PLOD2: variants seen among roughly 807,000 people sequenced by gnomAD.
The protein encoded by PLOD2 is procollagen-lysine,2-oxoglutarate 5-dioxygenase 2, also known as lysine hydroxylase 2.
A neutral mutation model predicts 101.0 loss-of-function variants in PLOD2; 65 were observed. That is an observed-to-expected ratio of 0.64 (90% CI 0.53 to 0.79). The LOEUF is 0.79. Ranked by LOEUF, PLOD2 falls within the 30% of genes least tolerant of loss-of-function variation. The pLI, the probability that PLOD2 is intolerant of heterozygous loss-of-function variation, is 0.00. For missense variants in PLOD2, 909 were observed against 914.6 expected (o/e 0.99, Z 0.08); for synonymous variants, 314 against 302.9 (o/e 1.04, Z -0.38).
chr3:146,160,888 G>T lies in PLOD2; in HGVS notation c.102C>A (p.Ile34=). 6.4e-7 allele frequency: 1 copy of T among 1,570,646 alleles called. No homozygotes were observed. The highest frequency in any genetic ancestry group is 8.7e-7 in the Non-Finnish European group (1 of 1,155,782). ...GGACCGCGGGGTGCTCACCTGTGGG[G>T]ATGCTCGAGGGCTTCTCCGAGTCCG... The part of the protein sequence containing the change: ...LGADSEKPSS[I]PTDKLLVITV... Residue 34 remains isoleucine, a synonymous_variant, in exon 1 of 20, where the codon ATC becomes ATA. Coordinates refer to ENST00000282903, the MANE Select transcript of PLOD2 (RefSeq NM_182943.3).
At position 146,086,778 on chromosome 3, in the gene PLOD2, A is replaced by T; in HGVS notation, c.1127+9T>A. On this transcript the variant is annotated intron_variant, in intron 10 of 19. Transcript: ENST00000282903. ...TAATTTAATTTAATTTTAATTTATT[A>T]AAACATACATTCCCATGTTTCTGGC... 7.0e-7 allele frequency: 1 copy of T among 1,418,832 alleles called. No individual in the cohort carries two copies. The highest frequency in any genetic ancestry group is 9.5e-7 in the Non-Finnish European group (1 of 1,051,920). The allele number at this position is 1,418,832 out of a possible 1,614,324, so 87.9% of individuals were successfully genotyped here.
intron 1 of PLOD2, among the ~76,000 whole-genome samples, chr3:146,158,492 T>A (rs1188253004): frequency 2.0e-5 from 3 of 152,164 alleles, no homozygotes; most frequent in African/African-American, 7.2e-5. Context: ...TGTATCACAT[T>A]CCCAACTACA....
chr3:146,115,343 T>C (rs752663409), intron 3 of PLOD2, among the ~76,000 whole-genome samples: 15 of 152,300 alleles, frequency 9.8e-5, no homozygotes, highest in South Asian at 4.1e-4. Flanking sequence ...GTGGTCATAC[T>C]GAGTCCCCTG....
In PLOD2 at chr3:146,139,299, A is replaced by G. The variant is rs574947105; in HGVS notation, c.110-15070T>C. Among the ~76,000 whole-genome samples the G allele has an allele frequency of 2.7e-4, 41 of 152,312 alleles. No individual in the cohort carries two copies. The Middle Eastern group carries it at 0.014, about 51-fold the overall frequency. On this transcript the variant is annotated intron_variant, in intron 1 of 19. Transcript: ENST00000282903. ...GAGTCTCCTGCATCAATAAAATTTT[A>G]AGAAAATGTTTAAAGTAGTGAAGGA...
At chr3:146,082,079 A>G (rs952391518) in intron 11 of PLOD2, among the ~76,000 whole-genome samples, 1 of 152,216 alleles carries the variant, frequency 6.6e-6, no homozygotes, top group Non-Finnish European at 1.5e-5. Flanking sequence ...ATTTCTTAAA[A>G]AGAGTAACAA....
intron 2 of PLOD2, chr3:146,123,172 A>C (rs569310417): frequency 4.2e-6 from 1 of 240,136 alleles, no homozygotes; most frequent in East Asian, 1.4e-4. Context: ...CTACCTTTTT[A>C]ATATACTACA....
At chr3:146,139,045 G>C (rs146294200) in intron 1 of PLOD2, among the ~76,000 whole-genome samples, 1 of 152,110 alleles carries the variant, frequency 6.6e-6, no homozygotes, top group Non-Finnish European at 1.5e-5. Context: ...CACAGGAGAG[G>C]CCAAGGACAA....
At chr3:146,155,714 C>CAAAAAAAAAAA (rs766107067) in intron 1 of PLOD2, among the ~76,000 whole-genome samples, 8 of 53,954 alleles carry the variant, frequency 1.5e-4, no homozygotes, top group Admixed American at 4.0e-4. Flanking sequence ...GACTCTGTCT[C>CAAAAAAAAAAA]AAAAAAAAAA....
intron 4 of PLOD2, among the ~76,000 whole-genome samples, chr3:146,109,018 G>A (rs1267452711): frequency 3.3e-5 from 5 of 152,120 alleles, no homozygotes; most frequent in Non-Finnish European, 5.9e-5. Context: ...TCCATGAGCC[G>A]CATGCTCAAG....
intron 3 of PLOD2, among the ~76,000 whole-genome samples, chr3:146,119,964 G>A (rs2029969830): frequency 6.6e-6 from 1 of 152,136 alleles, no homozygotes; most frequent in Admixed American, 6.5e-5. Flanking sequence ...ACCCAGTAAT[G>A]GGATGGCTGG....
In PLOD2 at chr3:146,084,230, C is replaced by T. The variant is rs190646673; in HGVS notation, c.1232+939G>A. ...TTCATATGCTTTGGAAAATTACCTA[C>T]GATGTATATAGATAGTTAACTTAGA... On this transcript the variant is annotated intron_variant, in intron 11 of 19. Coordinates refer to ENST00000282903, the MANE Select transcript of PLOD2 (RefSeq NM_182943.3). Among the ~76,000 whole-genome samples the T allele has an allele frequency of 9.1e-4, 139 of 152,106 alleles. 1 individual carries two copies. The highest frequency in any genetic ancestry group is 3.3e-3 in the African/African-American group (138 of 41,526).
chr3:146,127,948 G>C (rs1363684706), intron 1 of PLOD2, among the ~76,000 whole-genome samples: 1 of 152,136 alleles, frequency 6.6e-6, no homozygotes, highest in East Asian at 1.9e-4. Flanking sequence ...ATGGAAAATA[G>C]TATGGAAAGT....
At chr3:146,160,394 C>T (rs1274539156) in intron 1 of PLOD2, among the ~76,000 whole-genome samples, 1 of 152,108 alleles carries the variant, frequency 6.6e-6, no homozygotes, top group Non-Finnish European at 1.5e-5. Flanking sequence ...GGTTTTCGAG[C>T]GAGCGTTGTT....
Position 146,117,185 on chromosome 3 carries a change from T to C in PLOD2, c.338+3927A>G, listed in dbSNP as rs542123634. Among the ~76,000 whole-genome samples the C allele has an allele frequency of 1.2e-3, 190 of 152,286 alleles. 1 individual carries two copies. The highest frequency in any genetic ancestry group is 6.8e-3 in the Middle Eastern group (2 of 294). On this transcript the variant is annotated intron_variant, in intron 3 of 19. Transcript: ENST00000282903. ...AGGCTCATCTAAACCACTAAGTATA[T>C]ACATCTGTGTATATTTTCATATGAT...
chr3:146,092,829 G>GC (rs1473970583), intron 7 of PLOD2, among the ~76,000 whole-genome samples: 1 of 152,082 alleles, frequency 6.6e-6, no homozygotes, highest in Non-Finnish European at 1.5e-5. Flanking sequence ...TGAGTAAACA[G>GC]CAAGTGAAAT....
chr3:146,112,628 G>T (rs935703846), intron 3 of PLOD2, among the ~76,000 whole-genome samples: 2 of 151,930 alleles, frequency 1.3e-5, no homozygotes, highest in Admixed American at 1.3e-4. Flanking sequence ...CAAGGCGGGC[G>T]GATCATGAGG....
chr3:146,083,241 A>G (rs1407538987), intron 11 of PLOD2, among the ~76,000 whole-genome samples: 1 of 152,202 alleles, frequency 6.6e-6, no homozygotes, highest in African/African-American at 2.4e-5. Context: ...GGAATGATTC[A>G]TATTATTATA....
chr3:146,128,710 G>A (rs766580749), intron 1 of PLOD2, among the ~76,000 whole-genome samples: 17 of 151,838 alleles, frequency 1.1e-4, no homozygotes, highest in Non-Finnish European at 2.4e-4. Flanking sequence ...CATTGTTGGA[G>A]TCATTTTTTT....
At position 146,072,561 on chromosome 3, in the gene PLOD2, A is replaced by C. The variant is rs1002092343; in HGVS notation, c.1848T>G (p.His616Gln). 4 of 1,577,856 alleles carry C rather than the reference A, an allele frequency of 2.5e-6. No individual in the cohort carries two copies. The Admixed American group carries it at 5.0e-5, about 20-fold the overall frequency. ...HYGKWSGGKH[H>Q]DSRISGGYEN... is the part of the protein sequence containing the mutation. ...TTCTTAGTGTGAAATTACAACTTAC[A>C]TGATGTTTTCCCCCAGACCATTTGC... is the stretch of plus-strand genomic sequence containing the variant. Residue 616 changes from histidine (H) to glutamine (Q), a missense_variant and splice_region_variant, in exon 17 of 20, where the codon CAT (histidine) becomes CAG (glutamine). By Grantham distance (24) the His-to-Gln change is conservative. Coordinates refer to ENST00000282903, the MANE Select transcript of PLOD2 (RefSeq NM_182943.3).
Sources: gnomAD v4.1 joint callset for allele counts (sites outside exome capture counted in the v4.1 genomes callset) on GRCh38, gnomAD v4.1.1 for gene constraint, MANE v1.5 for transcripts, NCBI Gene and HGNC (gene_info 2026-07-23, HGNC 2026-07-21) for gene names.